SORCS2: variants seen among roughly 807,000 people sequenced by gnomAD.
SORCS2 encodes the protein sortilin related VPS10 domain containing receptor 2, also known as VPS10 domain-containing receptor SorCS2.
A neutral mutation model predicts 141.6 loss-of-function variants in SORCS2; 100 were observed. That is an observed-to-expected ratio of 0.71 (90% CI 0.60 to 0.83). The LOEUF is 0.83. Among genes scored for constraint, SORCS2 ranks in the 40% least tolerant of loss-of-function variants. The probability of loss-of-function intolerance (pLI) is 0.00; values close to 1 mark genes in which losing one functional copy is unlikely to be tolerated. For missense variants in SORCS2, 1,646 were observed against 1,560.2 expected (o/e 1.05, Z -0.93); for synonymous variants, 789 against 676.9 (o/e 1.17, Z -2.57).
At chr4:7,372,488 A>G (rs1222614156) in intron 1 of SORCS2, among the ~76,000 whole-genome samples, 1 of 152,014 alleles carries the variant, frequency 6.6e-6, no homozygotes, top group Non-Finnish European at 1.5e-5. Context: ...TTGTATTTTC[A>G]GTAGAGACGG....
rs1451076880 is a variant in SORCS2, at chr4:7,714,330, C to T, written c.2080C>T (p.Leu694Phe). 1 of 1,577,986 alleles carries T rather than the reference C, an allele frequency of 6.3e-7. No homozygotes were observed. Among genetic ancestry groups the T allele is most frequent in the Non-Finnish European group, 8.6e-7 (1 of 1,161,540 alleles). Reference sequence around the variant, plus strand: ...CAAGGGGAGGAGCTTCACGTCGGCGCTCACGTCCCGCGTGTGCGAGTGCCG... The same window carrying T: ...CAAGGGGAGGAGCTTCACGTCGGCGTTCACGTCCCGCGTGTGCGAGTGCCG... ...CIKGRSFTSA[L>F]TSRVCECRDS... Residue 694 changes from leucine to phenylalanine, a missense_variant, in exon 16 of 27, where the codon CTC becomes TTC. Leu to Phe is a conservative substitution (Grantham distance 22, BLOSUM62 0). Transcript: ENST00000507866.
At chr4:7,535,393 C>T (rs898954007) in intron 3 of SORCS2, among the ~76,000 whole-genome samples, 3 of 152,276 alleles carry the variant, frequency 2.0e-5, no homozygotes, top group South Asian at 4.2e-4. Context: ...GAGAGGCTGA[C>T]CCCCTGGCTT....
chr4:7,267,071 C>A (rs1714786245), intron 1 of SORCS2, among the ~76,000 whole-genome samples: 1 of 152,146 alleles, frequency 6.6e-6, no homozygotes, highest in African/African-American at 2.4e-5. Context: ...GCAGCCCCCA[C>A]AAAGCACGAA....
At chr4:7,402,343 C>CA (rs1187324105) in intron 2 of SORCS2, among the ~76,000 whole-genome samples, 1 of 152,150 alleles carries the variant, frequency 6.6e-6, no homozygotes, top group African/African-American at 2.4e-5. Flanking sequence ...ACATAAAACA[C>CA]AATATACACA....
intron 1 of SORCS2, among the ~76,000 whole-genome samples, chr4:7,331,899 G>A (rs1311013904): frequency 2.0e-5 from 3 of 152,156 alleles, no homozygotes; most frequent in Non-Finnish European, 4.4e-5. Context: ...CTGAGATGTC[G>A]CAGGCATTCC....
chr4:7,453,717 A>T (rs1239518785), intron 2 of SORCS2, among the ~76,000 whole-genome samples: 3 of 105,754 alleles, frequency 2.8e-5, no homozygotes, highest in Non-Finnish European at 5.6e-5. Flanking sequence ...GGGGTCAGGC[A>T]CTGTGTTGGG....
At chr4:7,234,336 G>C (rs1338822254) in intron 1 of SORCS2, among the ~76,000 whole-genome samples, 1 of 152,226 alleles carries the variant, frequency 6.6e-6, no homozygotes, top group South Asian at 2.1e-4. Context: ...AGAAGCAAGG[G>C]TGCTGAGTTC....
chr4:7,594,030 G>A (rs538191102), intron 3 of SORCS2, among the ~76,000 whole-genome samples: 4 of 152,182 alleles, frequency 2.6e-5, no homozygotes, highest in East Asian at 1.9e-4. Flanking sequence ...TCTTGAGCAC[G>A]TCTGTCTGCC....
chr4:7,610,656 G>T (rs148680365), intron 3 of SORCS2, among the ~76,000 whole-genome samples: 1 of 152,234 alleles, frequency 6.6e-6, no homozygotes, highest in East Asian at 1.9e-4. Flanking sequence ...TTCTGTGCTC[G>T]GTTTTTCTAG....
intron 1 of SORCS2, among the ~76,000 whole-genome samples, chr4:7,260,785 T>C (rs770102101): frequency 7.9e-5 from 12 of 152,210 alleles, no homozygotes; most frequent in Non-Finnish European, 1.2e-4. Flanking sequence ...GAAGGCCCAC[T>C]AGCGCTGGAG....
At chr4:7,282,646 G>A (rs2108862100) in intron 1 of SORCS2, among the ~76,000 whole-genome samples, 1 of 152,348 alleles carries the variant, frequency 6.6e-6, no homozygotes, top group South Asian at 2.1e-4. Flanking sequence ...TGGTCTTTGG[G>A]TGGTGTCAGT....
chr4:7,322,037 C>T (rs551311077), intron 1 of SORCS2, among the ~76,000 whole-genome samples: 1 of 152,320 alleles, frequency 6.6e-6, no homozygotes, highest in South Asian at 2.1e-4. Context: ...CTCCAAGAAA[C>T]AGGCTTTTTC....
chr4:7,376,866 C>T (rs1722690088), intron 1 of SORCS2, among the ~76,000 whole-genome samples: 1 of 152,204 alleles, frequency 6.6e-6, no homozygotes, highest in African/African-American at 2.4e-5. Context: ...CCCCAGATGT[C>T]CTCTGGAAGG....
intron 2 of SORCS2, among the ~76,000 whole-genome samples, chr4:7,398,359 T>G (rs958283435): frequency 2.0e-5 from 3 of 152,224 alleles, no homozygotes; most frequent in African/African-American, 7.2e-5. Flanking sequence ...TAAATGGGGA[T>G]AAGATGCCCC....
intron 2 of SORCS2, among the ~76,000 whole-genome samples, chr4:7,523,742 G>A (rs764540885): frequency 6.6e-6 from 1 of 152,116 alleles, no homozygotes; most frequent in Non-Finnish European, 1.5e-5. Context: ...CCCTAGCTGC[G>A]TCCAACACCC....
intron 2 of SORCS2, among the ~76,000 whole-genome samples, chr4:7,449,568 C>T (rs1230964881): frequency 6.6e-6 from 1 of 151,480 alleles, no homozygotes; most frequent in Non-Finnish European, 1.5e-5. Flanking sequence ...TGCGACCCAG[C>T]ACCAGGTTCA....
chr4:7,440,256 G>A (rs4234807), intron 2 of SORCS2, among the ~76,000 whole-genome samples: 125,614 of 151,842 alleles, frequency 0.83, 52,029 homozygotes, highest in South Asian at 0.96. Flanking sequence ...GTCTGGGACC[G>A]GGGAGGAGGG....
At chr4:7,246,155 G>A (rs1056581494) in intron 1 of SORCS2, among the ~76,000 whole-genome samples, 6 of 152,212 alleles carry the variant, frequency 3.9e-5, no homozygotes, top group African/African-American at 1.4e-4. Context: ...ACTGACAGCA[G>A]CCACAGCCGT....
intron 3 of SORCS2, among the ~76,000 whole-genome samples, chr4:7,629,592 C>T (rs1043473449): frequency 5.3e-5 from 8 of 151,172 alleles, no homozygotes; most frequent in Non-Finnish European, 8.8e-5. Context: ...CTGATCTCTG[C>T]AGGGTCCCTC....
Sources: gnomAD v4.1 joint callset for allele counts (sites outside exome capture counted in the v4.1 genomes callset) on GRCh38, gnomAD v4.1.1 for gene constraint, MANE v1.5 for transcripts, NCBI Gene and HGNC (gene_info 2026-07-23, HGNC 2026-07-21) for gene names.